Variants in AASS observed in about 807,000 individuals in gnomAD.
AASS encodes alpha-aminoadipic semialdehyde synthase, mitochondrial.
A neutral mutation model predicts 105.4 loss-of-function variants in AASS; 86 were observed. The ratio of observed to expected loss-of-function variants is 0.82; its 90% confidence interval spans 0.69 to 0.98. AASS has a LOEUF of 0.98. AASS is among the 50% of genes least tolerant of loss of function. The probability of loss-of-function intolerance (pLI) is 0.00; values close to 1 mark genes in which losing one functional copy is unlikely to be tolerated. For synonymous variants in AASS, 381 were observed against 394.8 expected (o/e 0.96, Z 0.41); for missense variants, 1,048 against 1,143.2 (o/e 0.92, Z 1.20).
intron 11 of AASS, among the ~76,000 whole-genome samples, chr7:122,107,898 T>A (rs1226849363): frequency 2.7e-5 from 4 of 145,524 alleles, no homozygotes; most frequent in African/African-American, 1.0e-4. Context: ...AAGTTTTTTT[T>A]AAGTATGTAT....
chr7:122,087,880 C>G (rs1793700773), intron 18 of AASS, among the ~76,000 whole-genome samples: 1 of 152,118 alleles, frequency 6.6e-6, no homozygotes, highest in South Asian at 2.1e-4. Context: ...GTTCATAAGT[C>G]TATCATGAAA....
chr7:122,143,286 A>C (rs997357676), intron 1 of AASS, among the ~76,000 whole-genome samples: 1 of 152,032 alleles, frequency 6.6e-6, no homozygotes, highest in South Asian at 2.1e-4. Flanking sequence ...ATCCTTGTTC[A>C]AGTTACTGAA....
chr7:122,078,854 T>G lies in AASS; in HGVS notation c.2485+8A>C, dbSNP rs777196791. On this transcript the variant is annotated splice_region_variant and intron_variant, in intron 22 of 23. Coordinates refer to ENST00000417368, the MANE Select transcript of AASS (RefSeq NM_005763.4). ...TTAGGTATATTTAGCTAATACTTCA[T>G]GGCCTACCATAGGAAAGCTTCATGA... 1 of 1,611,652 alleles carries G rather than the reference T, an allele frequency of 6.2e-7. No individual in the cohort carries two copies.
At chr7:122,110,434 C>T (rs926510954) in intron 11 of AASS, among the ~76,000 whole-genome samples, 1 of 151,444 alleles carries the variant, frequency 6.6e-6, no homozygotes, top group Non-Finnish European at 1.5e-5. Context: ...AAAATCTGAA[C>T]ATTCTTAAGT....
chr7:122,107,464 T>C (rs1032300016), intron 11 of AASS, among the ~76,000 whole-genome samples: 1 of 152,062 alleles, frequency 6.6e-6, no homozygotes, highest in African/African-American at 2.4e-5. Context: ...AGAGTGCTCA[T>C]TGGAGCGCTA....
chr7:122,121,541 C>G (rs912663531), intron 4 of AASS, among the ~76,000 whole-genome samples: 1 of 152,058 alleles, frequency 6.6e-6, no homozygotes, highest in Non-Finnish European at 1.5e-5. Flanking sequence ...ATGACAGGCA[C>G]GCACCGCCAA....
intron 1 of AASS, among the ~76,000 whole-genome samples, chr7:122,140,692 A>G (rs933511721): frequency 6.6e-5 from 10 of 151,902 alleles, no homozygotes; most frequent in Non-Finnish European, 1.0e-4. Context: ...GCATAATTCA[A>G]TGACTCAAAC....
At chr7:122,093,182 C>G in intron 15 of AASS, 24 bp from the exon 16 acceptor site, 1 of 1,522,692 alleles carries the variant, frequency 6.6e-7, no homozygotes, top group Non-Finnish European at 9.1e-7. Context: ...AGAAACTAAT[C>G]AGAAACTCCC....
In AASS at chr7:122,136,420, C is replaced by A. The variant is rs147262410; in HGVS notation, c.-15-2679G>T. 7.9e-5 allele frequency among the ~76,000 whole-genome samples: 12 copies of A among 152,164 alleles called. No homozygotes were observed. In the East Asian group the frequency reaches 1.9e-3, roughly 25 times the overall value. ...AACTGCTGATGATTAGGAGTTTAGGCTTTTATTCAGGGCAAAATATGCATG... is the reference window on the plus strand; with the variant it reads ...AACTGCTGATGATTAGGAGTTTAGGATTTTATTCAGGGCAAAATATGCATG... On this transcript the variant is annotated intron_variant, in intron 1 of 23. Transcript: ENST00000417368.
intron 4 of AASS, among the ~76,000 whole-genome samples, chr7:122,119,693 C>T (rs2150540788): frequency 6.6e-6 from 1 of 152,282 alleles, no homozygotes; most frequent in East Asian, 1.9e-4. Context: ...CAAATATACA[C>T]ATCTGTGTTA....
Position 122,115,211 on chromosome 7 carries a change from A to G in AASS, c.906T>C (p.Tyr302=). Residue 302 remains tyrosine, a synonymous_variant, in exon 9 of 24, where the codon TAT becomes TAC. Coordinates refer to ENST00000417368, the MANE Select transcript of AASS (RefSeq NM_005763.4). ...AGATTCCATTAATTAAGCAAGTTGT[A>G]TAGGGTGCAATCTGTAATGCAAGTT... The part of the protein sequence containing the change: ...ISRFNTDIAP[Y]TTCLINGIYW... 1 of 1,614,148 alleles carries G rather than the reference A, an allele frequency of 6.2e-7. No individual in the cohort carries two copies. The highest frequency in any genetic ancestry group is 8.5e-7 in the Non-Finnish European group (1 of 1,180,010).
At position 122,116,897 on chromosome 7, in the gene AASS, C is replaced by A; in HGVS notation, c.748G>T (p.Glu250Ter). The A allele has an allele frequency of 1.2e-6, 2 of 1,614,020 alleles. No homozygotes were observed. Among genetic ancestry groups the A allele is most frequent in the South Asian group, 2.2e-5 (2 of 91,082 alleles). ...CCCTTACCTCCAGTTTGGGAAACTT[C>A]TTTTAATTCATGGGGCTCCACATAT... ...CEYVEPHELK[E>*]VSQTGDLRKV... is the part of the protein sequence containing the mutation. Residue 250 changes from glutamate to a stop codon, truncating the protein, a stop_gained, in exon 7 of 24, where the codon GAA (glutamate) becomes TAA (stop). Coordinates refer to ENST00000417368, the MANE Select transcript of AASS (RefSeq NM_005763.4). LOFTEE classifies it high-confidence loss of function.
intron 18 of AASS, among the ~76,000 whole-genome samples, chr7:122,090,159 G>C (rs985848720): frequency 6.6e-6 from 1 of 152,122 alleles, no homozygotes; most frequent in African/African-American, 2.4e-5. Flanking sequence ...TATGTTATGA[G>C]GGATGCCAGG....
rs1793001735 is a variant in AASS, at chr7:122,076,261, A to G, written c.*228T>C. The G allele has an allele frequency of 1.2e-5, 6 of 481,322 alleles. No homozygotes were observed. Among genetic ancestry groups the G allele is most frequent in the South Asian group, 2.8e-5 (1 of 35,624 alleles). 29.8% of individuals were successfully genotyped at this position (481,322 alleles called of 1,614,324 possible). On this transcript the variant is annotated 3_prime_UTR_variant, in exon 24 of 24. Transcript: ENST00000417368. ...GCATGATCATCACTTTCACATACGTATTTATAAAATACAGGGTAGAATTAT... is the reference window on the plus strand; with the variant it reads ...GCATGATCATCACTTTCACATACGTGTTTATAAAATACAGGGTAGAATTAT...
Position 122,075,439 on chromosome 7 carries a change from C to A in AASS, c.*1050G>T, listed in dbSNP as rs1421743636. Among the ~76,000 whole-genome samples the A allele has an allele frequency of 6.6e-6, 1 of 152,086 alleles. No homozygotes were observed. The highest frequency in any genetic ancestry group is 1.5e-5 in the Non-Finnish European group (1 of 68,018). On this transcript the variant is annotated 3_prime_UTR_variant, in exon 24 of 24. Coordinates refer to ENST00000417368, the MANE Select transcript of AASS (RefSeq NM_005763.4). ...TTTATTTTATTTTCTTGCCTAATTG[C>A]CCTTTCTTGACTGTCCAGTACAAGT...
Position 122,133,588 on chromosome 7 carries a change from T to C in AASS, c.139A>G (p.Ile47Val), listed in dbSNP as rs767822862. The C allele has an allele frequency of 3.1e-6, 5 of 1,614,186 alleles. No homozygotes were observed. In the Admixed American group the frequency reaches 6.7e-5, roughly 22 times the overall value. ...ERRAPLAPKH[I>V]KGITNLGYKV... ...TATCCCAGATTGGTGATGCCTTTGA[T>C]GTGCTTGGGAGCTAGCGGGGCCCTT... is the stretch of plus-strand genomic sequence containing the variant. The change falls in exon 2 of 24, where the codon ATC becomes GTC. Residue 47 changes from isoleucine to valine, a missense_variant. Coordinates refer to ENST00000417368, the MANE Select transcript of AASS (RefSeq NM_005763.4).
At chr7:122,083,583 A>G (rs1408159408) in intron 19 of AASS, among the ~76,000 whole-genome samples, 1 of 152,150 alleles carries the variant, frequency 6.6e-6, no homozygotes, top group African/African-American at 2.4e-5. Flanking sequence ...TGCCTAGTCC[A>G]TGGTAAGCAA....
At chr7:122,138,270 T>A (rs1272742870) in intron 1 of AASS, among the ~76,000 whole-genome samples, 1 of 152,202 alleles carries the variant, frequency 6.6e-6, no homozygotes. Flanking sequence ...CCTGTTTATC[T>A]GTGGGTAATA....
At position 122,118,296 on chromosome 7, in the gene AASS, G is replaced by T. The variant is rs1795282577; in HGVS notation, c.687+11C>A. Reference sequence around the variant, plus strand: ...GGATTGTTTTACAAAAGGAAGTCAGGTAAAAGTTACCTTAGAAACATTACC... The same window carrying T: ...GGATTGTTTTACAAAAGGAAGTCAGTTAAAAGTTACCTTAGAAACATTACC... On this transcript the variant is annotated intron_variant, in intron 6 of 23. Transcript: ENST00000417368. The T allele has an allele frequency of 6.2e-7, 1 of 1,613,556 alleles. No homozygotes were observed. The highest frequency in any genetic ancestry group is 8.5e-7 in the Non-Finnish European group (1 of 1,179,968).
Sources: allele counts gnomAD v4.1 joint callset (sites outside exome capture counted in the v4.1 genomes callset), GRCh38; gene constraint gnomAD v4.1.1; transcripts MANE v1.5; gene names NCBI Gene and HGNC (gene_info 2026-07-23, HGNC 2026-07-21).